Variants in PCDHGA10 observed in about 807,000 individuals in gnomAD.
PCDHGA10 encodes the protein protocadherin gamma subfamily A, 10, also known as protocadherin gamma-A10.
In PCDHGA10, 42 loss-of-function variants were observed where a neutral mutation model predicts 59.5. The ratio of observed to expected loss-of-function variants is 0.71; its 90% CI spans 0.55 to 0.91. The LOEUF (loss-of-function observed/expected upper bound fraction) is 0.91. Ranked by LOEUF, PCDHGA10 falls within the 40% of genes least tolerant of loss-of-function variation. The probability of loss-of-function intolerance (pLI) is 0.00; values close to 1 mark genes in which losing one functional copy is unlikely to be tolerated. For missense variants in PCDHGA10, 1,111 were observed against 1,198.2 expected (o/e 0.93, Z 1.07); for synonymous variants, 511 against 517.2 (o/e 0.99, Z 0.16).
rs763160633 is a variant in PCDHGA10 at position 141,418,261 on chromosome 5, G to A, written c.2436+2650G>A. 3 of 1,614,056 alleles carry A rather than the reference G, an allele frequency of 1.9e-6. No homozygotes were observed. In the South Asian group the frequency reaches 3.3e-5, roughly 18 times the overall value. Reference sequence around the variant, plus strand: ...TTAATGACCACGCCCCTCAATTCCGGAAAGATGAAATAAACTTAGAAATCA... The same window carrying A: ...TTAATGACCACGCCCCTCAATTCCGAAAAGATGAAATAAACTTAGAAATCA... On this transcript the variant is annotated intron_variant, in intron 1 of 3. Coordinates refer to ENST00000398610, the MANE Select transcript of PCDHGA10 (RefSeq NM_018913.3).
chr5:141,490,984 T>TCTG lies in PCDHGA10; in HGVS notation c.2437-3820_2437-3818dup. On this transcript the variant is annotated intron_variant, in intron 1 of 3. Transcript: ENST00000398610. The surrounding 1 kb of genome is among the most constrained non-coding windows in gnomAD (Gnocchi z 5.4). ...CTCAGCCCCCCAGCGTCTCCCTCGCTCTGCTCCTCCTGGCTCCTTGGTCAC... is the reference window on the plus strand; with the variant it reads ...CTCAGCCCCCCAGCGTCTCCCTCGCTCTGCTGCTCCTCCTGGCTCCTTGGTCAC... The TCTG allele has an allele frequency of 1.2e-6, 2 of 1,614,110 alleles. No homozygotes were observed. Among genetic ancestry groups the TCTG allele is most frequent in the Non-Finnish European group, 1.7e-6 (2 of 1,180,028 alleles).
intron 1 of PCDHGA10, among the ~76,000 whole-genome samples, chr5:141,445,011 T>C (rs970882082): frequency 1.3e-5 from 2 of 152,196 alleles, no homozygotes; most frequent in Non-Finnish European, 2.9e-5. Flanking sequence ...AATTAGGTCT[T>C]TAATTTCTCT....
rs532490777 is a variant in PCDHGA10, at chr5:141,487,782, T to C, written c.2437-7025T>C. 7.2e-6 allele frequency: 11 copies of C among 1,525,744 alleles called. No homozygotes were observed. The South Asian group carries it at 1.2e-4, about 17-fold the overall frequency. The allele number at this position is 1,525,744 out of a possible 1,614,324, so 94.5% of individuals were successfully genotyped here. ...GACGCTGTGCTTTGTAACTGTTTCGTGAATTAACCAGAGTTGTCACAGTTT... is the reference window on the plus strand; with the variant it reads ...GACGCTGTGCTTTGTAACTGTTTCGCGAATTAACCAGAGTTGTCACAGTTT... On this transcript the variant is annotated intron_variant, in intron 1 of 3. Coordinates refer to ENST00000398610, the MANE Select transcript of PCDHGA10 (RefSeq NM_018913.3). This position sits in a 1 kb window ranked among gnomAD's most constrained non-coding sequence, Gnocchi z 5.0.
Position 141,431,991 on chromosome 5 carries a change from A to G in PCDHGA10, c.2436+16380A>G. 1.2e-6 allele frequency: 2 copies of G among 1,614,218 alleles called. No individual in the cohort carries two copies. The highest frequency in any genetic ancestry group is 1.7e-6 in the Non-Finnish European group (2 of 1,180,042). On this transcript the variant is annotated intron_variant, in intron 1 of 3. Transcript: ENST00000398610. The surrounding 1 kb of genome is among the most constrained non-coding windows in gnomAD (Gnocchi z 4.8). The stretch of plus-strand genomic sequence containing the variant: ...AGTTTAGTCACAGACATAGTCTTGG[A>G]TAGGGAACAGGTTCCTAGCTACAAC...
chr5:141,421,548 G>A, intron 1 of PCDHGA10: 19 of 1,613,984 alleles, frequency 1.2e-5, no homozygotes, highest in Non-Finnish European at 1.6e-5. Flanking sequence ...TTTTAAATAT[G>A]GAACTTCTCG....
chr5:141,482,546 A>G (rs1489817593), intron 1 of PCDHGA10, among the ~76,000 whole-genome samples: 1 of 151,868 alleles, frequency 6.6e-6, no homozygotes, highest in Non-Finnish European at 1.5e-5. Context: ...AAAAAAAAAA[A>G]AAAGATAATG....
chr5:141,420,477 A>T (rs1469261817), intron 1 of PCDHGA10: 3 of 626,262 alleles, frequency 4.8e-6, no homozygotes, highest in Non-Finnish European at 7.0e-6. Flanking sequence ...TTTAAAGCAA[A>T]CTACATGGGT....
chr5:141,447,135 GT>G (rs905717632), intron 1 of PCDHGA10, among the ~76,000 whole-genome samples: 1 of 151,698 alleles, frequency 6.6e-6, no homozygotes, highest in South Asian at 2.1e-4. Flanking sequence ...TTGTTTGTTT[GT>G]TTTTTGTTTT....
chr5:141,420,229 C>A (rs1206296211), intron 1 of PCDHGA10: 1 of 1,600,344 alleles, frequency 6.2e-7, no homozygotes, highest in South Asian at 1.1e-5. Flanking sequence ...TACTGGCTAG[C>A]ATTTTAACTC....
intron 1 of PCDHGA10, among the ~76,000 whole-genome samples, chr5:141,465,159 A>C (rs1333891587): frequency 6.6e-6 from 1 of 151,952 alleles, no homozygotes; most frequent in East Asian, 1.9e-4. Flanking sequence ...AGGGACTCTA[A>C]ATGTTTATGA....
At chr5:141,427,617 G>A (rs1295636754) in intron 1 of PCDHGA10, 3 of 694,694 alleles carry the variant, frequency 4.3e-6, no homozygotes, top group Admixed American at 2.0e-5. Flanking sequence ...TGAAGTCAAC[G>A]ACAATGCTCC....
At chr5:141,504,671 G>C (rs1459848730) in intron 2 of PCDHGA10, among the ~76,000 whole-genome samples, 1 of 111,068 alleles carries the variant, frequency 9.0e-6, no homozygotes, top group East Asian at 3.2e-4. Context: ...GGGGGGTGGG[G>C]GTTCTTGTAA....
At chr5:141,464,263 TAA>T (rs35224477) in intron 1 of PCDHGA10, among the ~76,000 whole-genome samples, 15 of 103,552 alleles carry the variant, frequency 1.4e-4, no homozygotes, top group Admixed American at 3.2e-4. Context: ...AGACTCCGTC[TAA>T]AAAAAAAAAA....
Position 141,432,812 on chromosome 5 carries a change from G to A in PCDHGA10, c.2436+17201G>A, listed in dbSNP as rs753429933. ...CAGCCTCGAGTCTCCAGCTAACTCT[G>A]AAACCTCAGACCTCACTCTGTACCT... On this transcript the variant is annotated intron_variant, in intron 1 of 3. Coordinates refer to ENST00000398610, the MANE Select transcript of PCDHGA10 (RefSeq NM_018913.3). This position sits in a 1 kb window ranked among gnomAD's most constrained non-coding sequence, Gnocchi z 6.0. 1.2e-6 allele frequency: 2 copies of A among 1,614,176 alleles called. No homozygotes were observed. Among genetic ancestry groups the A allele is most frequent in the Non-Finnish European group, 1.7e-6 (2 of 1,180,014 alleles).
intron 2 of PCDHGA10, among the ~76,000 whole-genome samples, chr5:141,496,123 C>T (rs2099766207): frequency 6.6e-6 from 1 of 152,098 alleles, no homozygotes; most frequent in African/African-American, 2.4e-5. Flanking sequence ...CTTCCCTGCC[C>T]CTCACACACT....
At chr5:141,435,728 A>T (rs549219746) in intron 1 of PCDHGA10, among the ~76,000 whole-genome samples, 1 of 152,200 alleles carries the variant, frequency 6.6e-6, no homozygotes, top group Non-Finnish European at 1.5e-5. Flanking sequence ...GCTAAAGTGT[A>T]TTACTCTTTG....
chr5:141,443,308 C>T (rs1484035480), intron 1 of PCDHGA10, among the ~76,000 whole-genome samples: 7 of 136,252 alleles, frequency 5.1e-5, no homozygotes, highest in African/African-American at 2.2e-4. Context: ...TGGCAAAAAC[C>T]CATCTCTACA....
At chr5:141,447,520 T>C (rs1156521785) in intron 1 of PCDHGA10, among the ~76,000 whole-genome samples, 1 of 152,202 alleles carries the variant, frequency 6.6e-6, no homozygotes, top group Non-Finnish European at 1.5e-5. Context: ...ATAACAATCA[T>C]AACAAAATTG....
intron 1 of PCDHGA10, chr5:141,421,621 C>T (rs2154549322): frequency 6.2e-7 from 1 of 1,613,772 alleles, no homozygotes; most frequent in Non-Finnish European, 8.5e-7. Flanking sequence ...TGATAACGCC[C>T]CCAGCTTCCA....
Sources: allele counts gnomAD v4.1 joint callset (sites outside exome capture counted in the v4.1 genomes callset), GRCh38; gene constraint gnomAD v4.1.1; non-coding constraint Gnocchi (gnomAD v3.1); transcripts MANE v1.5; gene names NCBI Gene and HGNC (gene_info 2026-07-23, HGNC 2026-07-21).